IGFL2: variants seen among roughly 807,000 people sequenced by gnomAD.
IGFL2 encodes IGF like family member 2.
A neutral mutation model predicts 13.9 loss-of-function variants in IGFL2; 7 were observed. That is an observed-to-expected ratio of 0.51 (90% CI 0.29 to 0.95). The LOEUF is 0.95. Ranked by LOEUF, IGFL2 falls within the 40% of genes least tolerant of loss-of-function variation. IGFL2 has a pLI of 0.08. For missense variants in IGFL2, 138 were observed against 147.8 expected (o/e 0.93, Z 0.34); for synonymous variants, 55 against 55.8 (o/e 0.99, Z 0.07).
chr19:46,162,705 T>G (rs1375935936), downstream of IGFL2, among the ~76,000 whole-genome samples: 3 of 152,230 alleles, frequency 2.0e-5, no homozygotes, highest in Admixed American at 6.5e-5. Flanking sequence ...ATCACTTTAT[T>G]GTGACTCTTG....
chr19:46,148,379 T>C (rs1391035912), intron 1 of IGFL2, 82 bp downstream of exon 1: 1 of 1,214,270 alleles, frequency 8.2e-7, no homozygotes, highest in Non-Finnish European at 1.2e-6. Flanking sequence ...TAATTCTCTC[T>C]TCCCTATTTA....
chr19:46,102,250 T>TA, the IGFL2 span, among the ~76,000 whole-genome samples: 1 of 152,160 alleles, frequency 6.6e-6, no homozygotes, highest in Non-Finnish European at 1.5e-5. Flanking sequence ...GTGTAAGCAA[T>TA]AAAGCTTTTT....
At chr19:46,126,691 G>T in the IGFL2 span, among the ~76,000 whole-genome samples, 28 of 152,090 alleles carry the variant, frequency 1.8e-4, no homozygotes, top group Non-Finnish European at 1.5e-5. Context: ...GTGTCATTCT[G>T]CACACACAAC....
the IGFL2 span, among the ~76,000 whole-genome samples, chr19:46,131,846 G>A: frequency 1.3e-5 from 2 of 152,206 alleles, no homozygotes; most frequent in South Asian, 4.2e-4. Context: ...GGCTGAAGTG[G>A]GAGAGTCGCT....
the IGFL2 span, chr19:46,112,866 A>C: frequency 6.6e-6 from 1 of 152,236 alleles, no homozygotes; most frequent in Non-Finnish European, 1.5e-5. Flanking sequence ...TGTCAAGGAA[A>C]TACAGTACAT....
upstream of IGFL2, among the ~76,000 whole-genome samples, chr19:46,140,863 A>G (rs1972828923): frequency 6.6e-6 from 1 of 152,176 alleles, no homozygotes; most frequent in African/African-American, 2.4e-5. Context: ...GCACTTTTCT[A>G]AGAGTTTTAC....
At chr19:46,182,611 G>A in the IGFL2 span, among the ~76,000 whole-genome samples, 183 of 152,220 alleles carry the variant, frequency 1.2e-3, no homozygotes, top group African/African-American at 4.2e-3. Context: ...AACTCCATCC[G>A]TTCCGTGCAC....
chr19:46,084,100 T>G, the IGFL2 span, among the ~76,000 whole-genome samples: 1 of 152,240 alleles, frequency 6.6e-6, no homozygotes, highest in African/African-American at 2.4e-5. Flanking sequence ...TTGTACTGTT[T>G]CTGAAGTTCC....
the IGFL2 span, among the ~76,000 whole-genome samples, chr19:46,184,517 T>G: frequency 1.3e-5 from 2 of 152,028 alleles, no homozygotes; most frequent in African/African-American, 4.8e-5. Flanking sequence ...GAACATGCAG[T>G]GTTTAGTTTT....
the IGFL2 span, among the ~76,000 whole-genome samples, chr19:46,110,273 C>T: frequency 3.5e-3 from 537 of 152,278 alleles, 1 homozygote; most frequent in Non-Finnish European, 4.1e-3. Context: ...TTGTTCAGGG[C>T]GCAGTTTTTG....
At chr19:46,110,137 A>T in the IGFL2 span, among the ~76,000 whole-genome samples, 1 of 152,250 alleles carries the variant, frequency 6.6e-6, no homozygotes, top group Non-Finnish European at 1.5e-5. Flanking sequence ...TCGGGGCCAC[A>T]TAGCAAGAGA....
At chr19:46,183,537 CTT>C in the IGFL2 span, among the ~76,000 whole-genome samples, 48 of 137,638 alleles carry the variant, frequency 3.5e-4, 1 homozygote, top group Admixed American at 5.1e-4. Flanking sequence ...TTTCTGCAGA[CTT>C]TTTTTTTTTT....
the IGFL2 span, among the ~76,000 whole-genome samples, chr19:46,080,881 G>A: frequency 1.3e-5 from 2 of 152,250 alleles, no homozygotes; most frequent in Non-Finnish European, 2.9e-5. Flanking sequence ...AGTGCCTGCT[G>A]TGCTTTCAGG....
At chr19:46,132,270 A>G in the IGFL2 span, among the ~76,000 whole-genome samples, 1 of 152,246 alleles carries the variant, frequency 6.6e-6, no homozygotes, top group Non-Finnish European at 1.5e-5. Context: ...GTGGGGGCCA[A>G]GCCACGTTAC....
the IGFL2 span, among the ~76,000 whole-genome samples, chr19:46,179,973 G>C: frequency 2.6e-5 from 4 of 152,046 alleles, no homozygotes. Flanking sequence ...AGATTATAGA[G>C]ATTCCCCCAG....
chr19:46,186,859 A>G, the IGFL2 span, among the ~76,000 whole-genome samples: 1 of 152,236 alleles, frequency 6.6e-6, no homozygotes. Context: ...CTAACAGGAA[A>G]GACAAGATGC....
the IGFL2 span, among the ~76,000 whole-genome samples, chr19:46,129,097 C>T: frequency 6.6e-6 from 1 of 152,068 alleles, no homozygotes; most frequent in African/African-American, 2.4e-5. Context: ...AAAAATATAT[C>T]AGTTTCTTGT....
the IGFL2 span, among the ~76,000 whole-genome samples, chr19:46,175,452 A>G: frequency 6.6e-6 from 1 of 152,228 alleles, no homozygotes; most frequent in South Asian, 2.1e-4. Flanking sequence ...TGAGAGAGGT[A>G]TACATCTCTG....
At chr19:46,088,898 C>T in the IGFL2 span, among the ~76,000 whole-genome samples, 1 of 152,084 alleles carries the variant, frequency 6.6e-6, no homozygotes, top group Non-Finnish European at 1.5e-5. Context: ...AAATAATCAG[C>T]AAAGCTATAA....
Sources: allele counts gnomAD v4.1 joint callset (sites outside exome capture counted in the v4.1 genomes callset), GRCh38; gene constraint gnomAD v4.1.1; transcripts MANE v1.5; gene names NCBI Gene and HGNC (gene_info 2026-07-23, HGNC 2026-07-21).